Variants in ZNF177 observed in about 807,000 individuals in gnomAD.
The protein encoded by ZNF177 is zinc finger protein 177.
A neutral mutation model predicts 19.4 loss-of-function variants in ZNF177; 17 were observed. That is an observed-to-expected ratio of 0.87 (90% CI 0.60 to 1.31). The LOEUF (loss-of-function observed/expected upper bound fraction) is 1.31, where lower values mean the gene tolerates loss of function less well. Ranked by LOEUF, ZNF177 falls within the 40% of genes most tolerant of loss-of-function variation. The probability of loss-of-function intolerance (pLI) is 0.00; values close to 1 mark genes in which losing one functional copy is unlikely to be tolerated. For missense variants in ZNF177, 633 were observed against 561.8 expected (o/e 1.13, Z -1.28); for synonymous variants, 220 against 188.7 (o/e 1.17, Z -1.36).
chr19:9,376,938 C>T (rs1468765287), intron 1 of ZNF177, among the ~76,000 whole-genome samples: 4 of 152,078 alleles, frequency 2.6e-5, no homozygotes, highest in African/African-American at 9.7e-5. Flanking sequence ...TTTACTATTT[C>T]CTATAAATCA....
At chr19:9,364,265 T>C (rs535127465) in intron 1 of ZNF177, among the ~76,000 whole-genome samples, 1 of 152,196 alleles carries the variant, frequency 6.6e-6, no homozygotes. Flanking sequence ...GTTCTCCTTT[T>C]CCAGCAGTAA....
intron 5 of ZNF177, 26 bp downstream of exon 7, chr19:9,380,165 G>A: frequency 6.3e-7 from 1 of 1,583,358 alleles, no homozygotes; most frequent in Admixed American, 1.9e-5. Context: ...AAGTATTCCT[G>A]GTCTTTGTAG....
chr19:9,374,908 C>T (rs1410457204), upstream of ZNF177, among the ~76,000 whole-genome samples: 1 of 152,096 alleles, frequency 6.6e-6, no homozygotes, highest in Non-Finnish European at 1.5e-5. Context: ...GGATGGGCAT[C>T]TTTGCCTTGT....
chr19:9,365,576 A>G (rs1011622207), intron 2 of ZNF177, among the ~76,000 whole-genome samples: 4 of 152,144 alleles, frequency 2.6e-5, no homozygotes, highest in Admixed American at 6.5e-5. Context: ...CTAAGGGTGA[A>G]GGACCAAGGC....
At position 9,365,661 on chromosome 19, in the gene ZNF177, C is replaced by G. The variant is rs186309350; in HGVS notation, c.-305+713C>G. On this transcript the variant is annotated intron_variant, in intron 2 of 8. Coordinates refer to the ZNF177 transcript ENST00000343499. ...GCAGGCGTCCCCGCATGATTAAACA[C>G]CAAGGGAAGACTGTCTTCCCGAGTC... is the stretch of plus-strand genomic sequence containing the variant. 3.2e-3 allele frequency among the ~76,000 whole-genome samples: 488 copies of G among 152,204 alleles called. 3 individuals are homozygous for G. The highest frequency in any genetic ancestry group is 6.0e-3 in the Non-Finnish European group (408 of 68,012).
At chr19:9,378,639 A>G (rs960299746) in intron 2 of ZNF177, 2 of 575,334 alleles carry the variant, frequency 3.5e-6, no homozygotes, top group African/African-American at 3.8e-5. Context: ...TATTTCTTGC[A>G]TTCCTACAGT....
Position 9,381,073 on chromosome 19 carries a change from A to C in ZNF177, c.742A>C (p.Lys248Gln), listed in dbSNP as rs760396508. The change falls in exon 6 of 6, where the codon AAA becomes CAA. Residue 248 changes from lysine to glutamine, a missense_variant. By Grantham distance (53) the Lys-to-Gln change is moderately conservative. Coordinates refer to ENST00000589262, the Ensembl canonical transcript of ZNF177. ...AATATCTCCCCTTAGTGTCCACACA[A>C]AAACTGGTAGTGTGGAGGAGGGTTT... 7.5e-6 allele frequency: 12 copies of C among 1,610,084 alleles called. No individual in the cohort carries two copies. The highest frequency in any genetic ancestry group is 1.7e-5 in the Admixed American group (1 of 60,018).
intron 1 of ZNF177, among the ~76,000 whole-genome samples, chr19:9,363,888 C>G (rs2067941138): frequency 6.6e-6 from 1 of 152,174 alleles, no homozygotes; most frequent in Non-Finnish European, 1.5e-5. Flanking sequence ...AAGGAGCAAT[C>G]CTTGCTGCCT....
intron 2 of ZNF177, among the ~76,000 whole-genome samples, chr19:9,366,664 A>G (rs1395173744): frequency 4.6e-5 from 7 of 152,214 alleles, no homozygotes; most frequent in Admixed American, 4.6e-4. Context: ...TTTGGCTAAT[A>G]TGAATAATGC....
chr19:9,380,490 C>T lies in ZNF177; in HGVS notation c.337-178C>T. The T allele has an allele frequency of 2.4e-6, 3 of 1,258,436 alleles. No homozygotes were observed. In the South Asian group the frequency reaches 4.3e-5, roughly 18 times the overall value. 78.0% of individuals were successfully genotyped at this position (1,258,436 alleles called of 1,614,324 possible). On this transcript the variant is annotated intron_variant, in intron 5 of 5. Transcript: ENST00000589262. ...ATAGAGCCTTGGACAGAGGAGTGAG[C>T]TTATTCAACTCGAAAAAGCTAATAG...
At chr19:9,364,286 C>T (rs555061079) in intron 1 of ZNF177, among the ~76,000 whole-genome samples, 2 of 152,102 alleles carry the variant, frequency 1.3e-5, no homozygotes, top group Non-Finnish European at 2.9e-5. Flanking sequence ...GTCAAGGCCT[C>T]GGCGGTTTTG....
chr19:9,374,011 C>T (rs992393070), upstream of ZNF177, among the ~76,000 whole-genome samples: 16 of 151,874 alleles, frequency 1.1e-4, no homozygotes, highest in African/African-American at 3.9e-4. Flanking sequence ...AGAGCTTTTC[C>T]CCTGTTCTAG....
upstream of ZNF177, among the ~76,000 whole-genome samples, chr19:9,372,199 T>A (rs2068054992): frequency 6.6e-6 from 1 of 152,174 alleles, no homozygotes; most frequent in Non-Finnish European, 1.5e-5. Context: ...CAATGCCACT[T>A]AGGACCCTCT....
chr19:9,373,195 T>A (rs2122520996), upstream of ZNF177, among the ~76,000 whole-genome samples: 1 of 152,264 alleles, frequency 6.6e-6, no homozygotes, highest in Admixed American at 6.5e-5. Flanking sequence ...CTTCTAGGAG[T>A]TTGACTTTTC....
chr19:9,381,941 TTTTA>T (rs2068209868), exon 6 of ZNF177: 2 of 1,072,902 alleles, frequency 1.9e-6, no homozygotes, highest in Non-Finnish European at 2.6e-6. Flanking sequence ...CTATGATTGT[TTTTA>T]TCAGTGAGTA....
upstream of ZNF177, among the ~76,000 whole-genome samples, chr19:9,373,215 T>C (rs538759040): frequency 5.5e-4 from 84 of 152,322 alleles, no homozygotes; most frequent in African/African-American, 1.9e-3. Context: ...CTAGATTCCA[T>C]GTAAGTGAGG....
upstream of ZNF177, among the ~76,000 whole-genome samples, chr19:9,374,012 CCT>C (rs1420410269): frequency 2.6e-5 from 4 of 151,936 alleles, no homozygotes; most frequent in Non-Finnish European, 5.9e-5. Context: ...GAGCTTTTCC[CCT>C]GTTCTAGAAG....
At chr19:9,380,732 C>T in exon 6 of ZNF177, 1 of 1,535,934 alleles carries the variant, frequency 6.5e-7, no homozygotes, top group Non-Finnish European at 8.7e-7. Context: ...AGAAAGAACA[C>T]TCGCTTTATT....
Position 9,380,695 on chromosome 19 carries a change from C to T in ZNF177, c.364C>T (p.Leu122=), listed in dbSNP as rs892175472. The change falls in exon 6 of 6, where the codon CTG becomes TTG. Residue 122 remains leucine (L), a synonymous_variant. Coordinates refer to ENST00000589262, the Ensembl canonical transcript of ZNF177. ...AGAAAATCAACCTGGTGAGCACTCC[C>T]TGGAGTGTAACCATTGTGGGAAATT... is the stretch of plus-strand genomic sequence containing the variant. 41 of 1,535,748 alleles carry T rather than the reference C, an allele frequency of 2.7e-5. No homozygotes were observed. The African/African-American group carries it at 3.4e-4, about 13-fold the overall frequency.
Sources: gnomAD v4.1 joint callset for allele counts (sites outside exome capture counted in the v4.1 genomes callset) on GRCh38, gnomAD v4.1.1 for gene constraint, MANE v1.5 for transcripts, NCBI Gene and HGNC (gene_info 2026-07-23, HGNC 2026-07-21) for gene names.